ALMS1: variants seen among roughly 807,000 people sequenced by gnomAD.
ALMS1 encodes centrosome-associated protein ALMS1.
In ALMS1, 271 loss-of-function variants were observed where a neutral mutation model predicts 352.2. The ratio of observed to expected loss-of-function variants is 0.77; its 90% CI spans 0.70 to 0.85. The LOEUF (loss-of-function observed/expected upper bound fraction) is 0.85. ALMS1 is among the 40% of genes least tolerant of loss of function. The pLI, the probability that ALMS1 is intolerant of heterozygous loss-of-function variation, is 0.00. For synonymous variants in ALMS1, 1,865 were observed against 1,761.2 expected, an observed-to-expected ratio of 1.06 and a Z score of -1.48; for missense variants, 5,445 against 4,870.7, an observed-to-expected ratio of 1.12 and a Z score of -3.51.
intron 12 of ALMS1, among the ~76,000 whole-genome samples, chr2:73,544,097 C>G (rs1348310266): frequency 1.3e-5 from 2 of 152,080 alleles, no homozygotes; most frequent in Non-Finnish European, 2.9e-5. Flanking sequence ...TTCACAATAA[C>G]AAAGATTTGG....
At chr2:73,602,115 C>G (rs1309549344) in intron 19 of ALMS1, 70 bp from the exon 20 acceptor site, 54 of 1,495,932 alleles carry the variant, frequency 3.6e-5, no homozygotes, top group Non-Finnish European at 4.7e-5. Flanking sequence ...TGGTGTGTCT[C>G]CAGGCATATG....
intron 9 of ALMS1, among the ~76,000 whole-genome samples, chr2:73,480,386 C>G (rs1025850599): frequency 2.3e-4 from 35 of 152,092 alleles, no homozygotes; most frequent in Non-Finnish European, 2.8e-4. Context: ...TCATCCATGT[C>G]CCTACAAAGG....
chr2:73,585,607 G>T (rs1458859259), intron 16 of ALMS1, among the ~76,000 whole-genome samples: 1 of 151,506 alleles, frequency 6.6e-6, no homozygotes, highest in African/African-American at 2.4e-5. Flanking sequence ...TCTGAGCCAG[G>T]ATGGTCTTGA....
In ALMS1 at chr2:73,453,808, G is replaced by T; in HGVS notation, c.7281G>T (p.Ser2427=). 1 of 1,614,114 alleles carries T rather than the reference G, an allele frequency of 6.2e-7. No homozygotes were observed. The part of the protein sequence containing the change: ...SDASDGNGSC[S]WDSNLPESLE... Reference sequence around the variant, plus strand: ...CCAGTGATGGAAATGGTTCCTGCTCGTGGGACAGTAATTTACCAGAGTCTT... The same window carrying T: ...CCAGTGATGGAAATGGTTCCTGCTCTTGGGACAGTAATTTACCAGAGTCTT... Residue 2427 remains serine, a synonymous_variant, in exon 8 of 23, where the codon TCG becomes TCT. Coordinates refer to ENST00000613296, the MANE Select transcript of ALMS1 (RefSeq NM_001378454.1).
intron 7 of ALMS1, among the ~76,000 whole-genome samples, chr2:73,436,398 C>T (rs1238111056): frequency 6.6e-6 from 1 of 152,160 alleles, no homozygotes; most frequent in Non-Finnish European, 1.5e-5. Flanking sequence ...CTGAACTTGT[C>T]AGATGTATAG....
chr2:73,601,050 G>T (rs773281213), intron 18 of ALMS1, 145 bp from the exon 19 acceptor site: 5 of 1,444,862 alleles, frequency 3.5e-6, no homozygotes, highest in Non-Finnish European at 4.7e-6. Context: ...CATCCCTGCA[G>T]CAAAACCAGA....
rs747868844 is a variant in ALMS1 at position 73,424,906 on chromosome 2, A to G, written c.1237+4A>G. The G allele has an allele frequency of 1.3e-6, 2 of 1,589,338 alleles. No homozygotes were observed. The highest frequency in any genetic ancestry group is 1.8e-5 in the Admixed American group (1 of 56,860). On this transcript the variant is annotated splice_donor_region_variant and intron_variant, in intron 5 of 22. Coordinates refer to ENST00000613296, the MANE Select transcript of ALMS1 (RefSeq NM_001378454.1). ...CAGGCAGAAACATATTTAACCAGTA[A>G]GTACCCTGATTCTTTTTCAGATTCA...
At chr2:73,551,307 C>G (rs1169297775) in intron 13 of ALMS1, among the ~76,000 whole-genome samples, 3 of 152,122 alleles carry the variant, frequency 2.0e-5, no homozygotes, top group Admixed American at 6.5e-5. Context: ...TGGCTGTCCC[C>G]CTGCAGGCAG....
intron 11 of ALMS1, among the ~76,000 whole-genome samples, chr2:73,528,343 T>C (rs1673836938): frequency 6.6e-6 from 1 of 152,222 alleles, no homozygotes; most frequent in Admixed American, 6.5e-5. Context: ...CAGCTGTTAT[T>C]GTATTAGGTT....
At chr2:73,433,463 C>T (rs1671550355) in intron 7 of ALMS1, among the ~76,000 whole-genome samples, 1 of 152,104 alleles carries the variant, frequency 6.6e-6, no homozygotes, top group South Asian at 2.1e-4. Flanking sequence ...GAATAAGTTA[C>T]TGAGAGCACT....
At position 73,608,555 on chromosome 2, in the gene ALMS1, G is replaced by A. The variant is rs756595937; in HGVS notation, c.12443G>A (p.Arg4148Gln). ...RKSEYKSYRL[R>Q]AQLYKKRVTN... The stretch of plus-strand genomic sequence containing the variant: ...TCAGAATATAAGTCATACCGGCTGC[G>A]AGCCCAGCTATATAAAAAGGTCAGT... The change falls in exon 22 of 23, where the codon CGA (arginine) becomes CAA (glutamine). Residue 4148 changes from arginine to glutamine, a missense_variant. Physicochemically the swap from Arg to Gln is conservative, Grantham distance 43 (BLOSUM62 1). Coordinates refer to ENST00000613296, the MANE Select transcript of ALMS1 (RefSeq NM_001378454.1). The A allele has an allele frequency of 8.1e-6, 13 of 1,613,818 alleles. No homozygotes were observed. Among genetic ancestry groups the A allele is most frequent in the South Asian group, 7.7e-5 (7 of 91,062 alleles).
chr2:73,386,140 T>A lies in ALMS1; in HGVS notation c.272T>A (p.Leu91Gln), dbSNP rs777177630. Residue 91 changes from leucine (L) to glutamine (Q), a missense_variant, in exon 1 of 23, where the codon CTG (leucine) becomes CAG (glutamine). Physicochemically the swap from Leu to Gln is moderately radical, Grantham distance 113. Transcript: ENST00000613296. ...QAHPGRILPPLSPPQHRYSEG... is the reference protein window; with the variant it reads ...QAHPGRILPPQSPPQHRYSEG... Reference sequence around the variant, plus strand: ...CACCCCGGCAGGATTTTGCCTCCGCTGTCGCCCCCGCAGCACCGCTACTCG... The same window carrying A: ...CACCCCGGCAGGATTTTGCCTCCGCAGTCGCCCCCGCAGCACCGCTACTCG... 1.3e-6 allele frequency: 2 copies of A among 1,561,432 alleles called. No homozygotes were observed. Among genetic ancestry groups the A allele is most frequent in the East Asian group, 4.8e-5 (2 of 41,506 alleles).
chr2:73,600,854 A>C lies in ALMS1; in HGVS notation c.11845A>C (p.Lys3949Gln). The C allele has an allele frequency of 6.2e-7, 1 of 1,614,104 alleles. No homozygotes were observed. The highest frequency in any genetic ancestry group is 1.7e-5 in the Admixed American group (1 of 60,012). Residue 3949 changes from lysine (K) to glutamine (Q), a missense_variant, in exon 18 of 23, where the codon AAA becomes CAA. Transcript: ENST00000613296. The part of the protein sequence containing the change: ...FTGYPEDRKL[K>Q]KNKKNSHEGV... ...CGGTTATCCTGAGGACAGAAAGTTAAAAAAGAACAAGAAGAATTCCCATGA... is the reference window on the plus strand; with the variant it reads ...CGGTTATCCTGAGGACAGAAAGTTACAAAAGAACAAGAAGAATTCCCATGA...
intron 11 of ALMS1, among the ~76,000 whole-genome samples, chr2:73,533,724 T>A (rs1673969066): frequency 6.6e-6 from 1 of 152,086 alleles, no homozygotes; most frequent in African/African-American, 2.4e-5. Flanking sequence ...AGAAAAAAAA[T>A]GTCCATAATA....
In ALMS1 at chr2:73,484,973, C is replaced by T. The variant is rs866060309; in HGVS notation, c.7675-4661C>T. Among the ~76,000 whole-genome samples, 17 of 152,248 alleles carry T rather than the reference C, an allele frequency of 1.1e-4. No homozygotes were observed. In the East Asian group the frequency reaches 3.3e-3, roughly 29 times the overall value. ...GTATTGGTTATTCTAGTTACACATT[C>T]TTCTAAATTTTTTTCAAAGTTTTCA... is the stretch of plus-strand genomic sequence containing the variant. On this transcript the variant is annotated intron_variant, in intron 9 of 22. Coordinates refer to ENST00000613296, the MANE Select transcript of ALMS1 (RefSeq NM_001378454.1).
intron 16 of ALMS1, among the ~76,000 whole-genome samples, chr2:73,578,535 T>C (rs892801247): frequency 5.9e-5 from 9 of 152,168 alleles, no homozygotes; most frequent in South Asian, 4.1e-4. Context: ...TTCATAGTTA[T>C]TTTCTTACGG....
intron 1 of ALMS1, among the ~76,000 whole-genome samples, chr2:73,387,033 G>C (rs1376683858): frequency 6.6e-6 from 1 of 152,178 alleles, no homozygotes; most frequent in African/African-American, 2.4e-5. Flanking sequence ...CCATGCGTCT[G>C]TTCTTACCGG....
rs111424278 is a variant in ALMS1 at position 73,518,424 on chromosome 2, C to T, written c.9540-1351C>T. Among the ~76,000 whole-genome samples the T allele has an allele frequency of 4.1e-3, 619 of 152,180 alleles. 6 individuals carry two copies. The highest frequency in any genetic ancestry group is 0.012 in the African/African-American group (516 of 41,500). ...TTATTGTGAATAGTACTATAATGAA[C>T]ATTTGTGTGCACGTGTCTTTATGGT... On this transcript the variant is annotated intron_variant, in intron 10 of 22. Transcript: ENST00000613296.
intron 15 of ALMS1, among the ~76,000 whole-genome samples, chr2:73,566,862 A>G (rs892150840): frequency 1.3e-5 from 2 of 152,230 alleles, no homozygotes; most frequent in African/African-American, 4.8e-5. Flanking sequence ...AATGGCTCAG[A>G]AAACTTAGGG....
Sources: allele counts gnomAD v4.1 joint callset (sites outside exome capture counted in the v4.1 genomes callset), GRCh38; gene constraint gnomAD v4.1.1; transcripts MANE v1.5; gene names NCBI Gene and HGNC (gene_info 2026-07-23, HGNC 2026-07-21).